The following TXNRD1 variants were observed in gnomAD, a reference collection of about 807,000 sequenced individuals.
TXNRD1 encodes the protein thioredoxin reductase 1.
TXNRD1 carries 57 observed loss-of-function variants against 80.3 expected under a neutral mutation model. That is an observed-to-expected ratio of 0.71 (90% CI 0.57 to 0.89). The LOEUF is 0.89. Ranked by LOEUF, TXNRD1 falls within the 40% of genes least tolerant of loss-of-function variation. TXNRD1 has a pLI of 0.00. For missense variants in TXNRD1, 730 were observed against 803.0 expected, an observed-to-expected ratio of 0.91 and a Z score of 1.10; for synonymous variants, 291 against 285.2, an observed-to-expected ratio of 1.02 and a Z score of -0.20.
chr12:104,326,491 G>A (rs1490458610), intron 12 of TXNRD1, 68 bp downstream of exon 12: 33 of 897,296 alleles, frequency 3.7e-5, no homozygotes, highest in Non-Finnish European at 4.9e-5. Context: ...TTGAGATGGA[G>A]TTTCTCTCTT....
chr12:104,331,932 G>A (rs993107787), intron 14 of TXNRD1, among the ~76,000 whole-genome samples: 11 of 151,920 alleles, frequency 7.2e-5, no homozygotes, highest in South Asian at 2.1e-4. Context: ...TTATATAGCC[G>A]TAGTGTAGTT....
intron 3 of TXNRD1, chr12:104,280,255 A>G (rs2033849091): frequency 6.6e-6 from 1 of 152,028 alleles, no homozygotes; most frequent in African/African-American, 2.4e-5. Context: ...CACCATTTTC[A>G]TAAGTGACCT....
At chr12:104,224,959 A>G (rs924185367) in intron 1 of TXNRD1, 22 of 455,712 alleles carry the variant, frequency 4.8e-5, no homozygotes, top group Non-Finnish European at 8.8e-5. Context: ...GTGTATTTCC[A>G]ATGTCCCATA....
chr12:104,345,660 T>A (rs1362278835), intron 16 of TXNRD1, among the ~76,000 whole-genome samples: 1 of 22,466 alleles, frequency 4.5e-5, no homozygotes, highest in Non-Finnish European at 9.3e-5. Flanking sequence ...AGTTCACTTG[T>A]AGAGGAGAAA....
intron 3 of TXNRD1, among the ~76,000 whole-genome samples, chr12:104,283,974 T>A (rs1028549092): frequency 6.6e-6 from 1 of 152,164 alleles, no homozygotes; most frequent in African/African-American, 2.4e-5. Context: ...TACCTACCAC[T>A]TTTTTTCTCA....
At chr12:104,242,861 C>T (rs1002397501) in intron 1 of TXNRD1, among the ~76,000 whole-genome samples, 1 of 152,128 alleles carries the variant, frequency 6.6e-6, no homozygotes, top group Non-Finnish European at 1.5e-5. Context: ...TAAACCAGTC[C>T]TCTGCAGAAA....
At chr12:104,307,291 A>G (rs1290087217) in intron 4 of TXNRD1, among the ~76,000 whole-genome samples, 1 of 152,216 alleles carries the variant, frequency 6.6e-6, no homozygotes, top group Non-Finnish European at 1.5e-5. Flanking sequence ...GTCTGTCTAT[A>G]TACTGGATCA....
intron 1 of TXNRD1, among the ~76,000 whole-genome samples, chr12:104,236,027 G>A (rs1358595576): frequency 6.6e-6 from 1 of 152,198 alleles, no homozygotes; most frequent in Admixed American, 6.5e-5. Flanking sequence ...GCGGTTTAGG[G>A]AGGGTGAAAA....
intron 4 of TXNRD1, among the ~76,000 whole-genome samples, chr12:104,290,737 ATATATATATATATATATATATG>A (rs1340205131): frequency 9.1e-6 from 1 of 110,292 alleles, no homozygotes; most frequent in Non-Finnish European, 1.8e-5. Context: ...ATATATATAT[ATATATATATATATATATATATG>A]TATATTTCTT....
intron 3 of TXNRD1, among the ~76,000 whole-genome samples, chr12:104,264,699 T>C (rs998038113): frequency 2.6e-5 from 4 of 152,242 alleles, no homozygotes; most frequent in African/African-American, 7.2e-5. Context: ...AAATAGTCCA[T>C]GTATTTACTT....
chr12:104,270,089 A>C (rs1345512769), intron 3 of TXNRD1, among the ~76,000 whole-genome samples: 1 of 152,154 alleles, frequency 6.6e-6, no homozygotes, highest in Non-Finnish European at 1.5e-5. Flanking sequence ...GAATTCATCA[A>C]AGTTACTCAT....
At chr12:104,318,668 T>C (rs2035415975) in intron 7 of TXNRD1, among the ~76,000 whole-genome samples, 1 of 152,154 alleles carries the variant, frequency 6.6e-6, no homozygotes, top group African/African-American at 2.4e-5. Context: ...AAGGAAAAAG[T>C]TTGTGTATTG....
chr12:104,325,510 C>T, intron 11 of TXNRD1, 81 bp downstream of exon 11: 1 of 980,308 alleles, frequency 1.0e-6, no homozygotes, highest in Non-Finnish European at 1.6e-6. Context: ...CTTAAAATGG[C>T]TCTTAGTGAT....
At chr12:104,316,945 A>G (rs1400622907) in intron 7 of TXNRD1, among the ~76,000 whole-genome samples, 1 of 152,164 alleles carries the variant, frequency 6.6e-6, no homozygotes, top group Non-Finnish European at 1.5e-5. Context: ...TAAGGCATAA[A>G]TGTATACTTG....
At chr12:104,265,513 G>A in intron 3 of TXNRD1, 1 of 1,610,964 alleles carries the variant, frequency 6.2e-7, no homozygotes, top group Non-Finnish European at 8.5e-7. Context: ...GCAGGTGTTT[G>A]AGAAGTCCCC....
chr12:104,277,073 C>A (rs1244924202), intron 3 of TXNRD1, among the ~76,000 whole-genome samples: 1 of 151,816 alleles, frequency 6.6e-6, no homozygotes, highest in African/African-American at 2.4e-5. Context: ...CAAAGCGAGA[C>A]CCTGTCTCTA....
At chr12:104,230,675 A>T (rs1401784438) in intron 1 of TXNRD1, among the ~76,000 whole-genome samples, 1 of 152,054 alleles carries the variant, frequency 6.6e-6, no homozygotes, top group Admixed American at 6.6e-5. Context: ...GTTTTGTTTT[A>T]AGGAGCAGAA....
At chr12:104,268,597 C>T (rs1429207643) in intron 3 of TXNRD1, among the ~76,000 whole-genome samples, 11 of 152,030 alleles carry the variant, frequency 7.2e-5, no homozygotes, top group Admixed American at 5.9e-4. Flanking sequence ...CGGCTCACTG[C>T]AAACTCTGCC....
intron 4 of TXNRD1, among the ~76,000 whole-genome samples, chr12:104,295,841 C>T (rs889013831): frequency 1.3e-5 from 2 of 152,184 alleles, no homozygotes; most frequent in African/African-American, 2.4e-5. Context: ...TAGTCTTATT[C>T]TTTATGCCTG....
Sources: allele counts gnomAD v4.1 joint callset (sites outside exome capture counted in the v4.1 genomes callset), GRCh38; gene constraint gnomAD v4.1.1; transcripts MANE v1.5; gene names NCBI Gene and HGNC (gene_info 2026-07-23, HGNC 2026-07-21).